DNAH8: variants seen among roughly 807,000 people sequenced by gnomAD.
The protein encoded by DNAH8 is axonemal beta dynein heavy chain 8.
Under a neutral mutation model 562.1 loss-of-function variants are expected in DNAH8, and 382 were observed. That is an observed-to-expected ratio of 0.68 (90% confidence interval 0.63 to 0.74). The LOEUF (loss-of-function observed/expected upper bound fraction) is 0.74. Among genes scored for constraint, DNAH8 ranks in the 30% least tolerant of loss-of-function variants. DNAH8 has a pLI of 0.00. For synonymous variants in DNAH8, 1,881 were observed against 1,919.4 expected (o/e 0.98, Z 0.52); for missense variants, 5,203 against 5,620.4 (o/e 0.93, Z 2.37).
intron 76 of DNAH8, among the ~76,000 whole-genome samples, chr6:38,934,051 G>A (rs1173130703): frequency 4.6e-5 from 7 of 152,148 alleles, no homozygotes; most frequent in African/African-American, 1.7e-4. Context: ...CTGATAGATT[G>A]TGATACAAAC....
chr6:38,796,786 G>A (rs370676350), intron 21 of DNAH8, among the ~76,000 whole-genome samples: 2 of 152,244 alleles, frequency 1.3e-5, no homozygotes, highest in East Asian at 1.9e-4. Flanking sequence ...CACTCGGGGA[G>A]CTCGGTTTTT....
At position 38,931,998 on chromosome 6, in the gene DNAH8, T is replaced by TCC. The variant is rs1491060073; in HGVS notation, c.11457+6_11457+7insCC. Reference sequence around the variant, plus strand: ...GTCATTCTAACAGAGAAACAGGTAATCTCTCTCTCAAGGTAAAGAATTTCT... The same window carrying TCC: ...GTCATTCTAACAGAGAAACAGGTAATCCCTCTCTCTCAAGGTAAAGAATTTCT... On this transcript the variant is annotated splice_donor_region_variant and intron_variant, in intron 76 of 92. Transcript: ENST00000327475. 2.6e-6 allele frequency: 4 copies of TCC among 1,550,072 alleles called. No individual in the cohort carries two copies. The highest frequency in any genetic ancestry group is 4.8e-5 in the East Asian group (2 of 41,908).
At chr6:38,834,668 C>T (rs1028785943) in intron 32 of DNAH8, 27 bp downstream of exon 32, 11 of 1,535,202 alleles carry the variant, frequency 7.2e-6, no homozygotes, top group Non-Finnish European at 8.9e-6. Flanking sequence ...TTTGTTACAT[C>T]GACAATGTGT....
chr6:38,985,515 C>G (rs1017002683), intron 87 of DNAH8, among the ~76,000 whole-genome samples: 1 of 152,116 alleles, frequency 6.6e-6, no homozygotes, highest in Non-Finnish European at 1.5e-5. Flanking sequence ...CTTGAAGCTA[C>G]ATATGGAGAA....
intron 82 of DNAH8, among the ~76,000 whole-genome samples, chr6:38,960,708 T>G (rs1442249120): frequency 1.3e-5 from 2 of 151,936 alleles, no homozygotes; most frequent in East Asian, 1.9e-4. Flanking sequence ...AGTATGCAGG[T>G]TCCCCAAAAA....
rs111787009 is a variant in DNAH8, at chr6:38,885,864, A to G, written c.8260-927A>G. ...TCTTAGAGTATACCATTTTATTTAC[A>G]TATCAACATGCATCTGTACATCTTG... is the stretch of plus-strand genomic sequence containing the variant. On this transcript the variant is annotated intron_variant, in intron 56 of 92. Transcript: ENST00000327475. Among the ~76,000 whole-genome samples, 854 of 152,310 alleles carry G rather than the reference A, an allele frequency of 5.6e-3. 17 individuals are homozygous for G. The highest frequency in any genetic ancestry group is 0.02 in the African/African-American group (813 of 41,560).
At chr6:38,984,497 A>AC in intron 87 of DNAH8, 190 bp downstream of exon 87, 1 of 539,284 alleles carries the variant, frequency 1.9e-6, no homozygotes, top group Non-Finnish European at 3.3e-6. Context: ...CACACACACA[A>AC]CAACCAGCAA....
intron 25 of DNAH8, 49 bp from the exon 26 acceptor site, chr6:38,815,419 T>C (rs373429344): frequency 6.8e-7 from 1 of 1,461,946 alleles, no homozygotes; most frequent in Non-Finnish European, 9.5e-7. Flanking sequence ...AATTGAGGGA[T>C]GGACTGTATG....
In DNAH8 at chr6:38,837,951, G is replaced by A. The variant is rs151175737; in HGVS notation, c.4375G>A (p.Asp1459Asn). Residue 1459 changes from aspartate (D) to asparagine (N), a missense_variant, in exon 33 of 93, where the codon GAT (aspartate) becomes AAT (asparagine). Asp to Asn is a conservative substitution (Grantham distance 23, BLOSUM62 1). This residue lies in a region of DNAH8 where 2,176 missense variants were observed against 2,365.1 expected (regional missense o/e 0.92). Coordinates refer to ENST00000327475, the MANE Select transcript of DNAH8 (RefSeq NM_001206927.2). ...AAAACCTTTGTTACAGGCCAGTTTC[G>A]ATGATCTGTGGAGGAAATTTGTTAC... ...NRLQIFQASF[D>N]DLWRKFVTYS... The A allele has an allele frequency of 6.1e-4, 983 of 1,610,982 alleles. 1 individual carries two copies. The highest frequency in any genetic ancestry group is 7.6e-4 in the Non-Finnish European group (891 of 1,178,174).
chr6:38,781,142 T>A, intron 15 of DNAH8, 112 bp from the exon 16 acceptor site: 3 of 1,133,166 alleles, frequency 2.6e-6, no homozygotes, highest in Non-Finnish European at 3.8e-6. Context: ...ATTGACTACC[T>A]ACTGTATATA....
intron 78 of DNAH8, 47 bp downstream of exon 78, chr6:38,938,273 C>T (rs1449204030): frequency 6.4e-7 from 1 of 1,561,032 alleles, no homozygotes; most frequent in East Asian, 2.3e-5. Context: ...TAAAAGTTTG[C>T]TTGTATTTCT....
intron 82 of DNAH8, among the ~76,000 whole-genome samples, chr6:38,952,088 G>A (rs777606174): frequency 1.7e-4 from 26 of 152,172 alleles, no homozygotes; most frequent in Admixed American, 3.3e-4. Flanking sequence ...CATAGAAGTG[G>A]CTGATCACAG....
At chr6:38,776,217 CTTTT>C (rs200097924) in intron 13 of DNAH8, among the ~76,000 whole-genome samples, 3 of 137,158 alleles carry the variant, frequency 2.2e-5, no homozygotes, top group Admixed American at 7.2e-5. Context: ...AGCTAGGATT[CTTTT>C]TTTTTTTTTT....
At chr6:38,838,208 C>T (rs1437695630) in intron 33 of DNAH8, among the ~76,000 whole-genome samples, 166 bp downstream of exon 33, 2 of 152,170 alleles carry the variant, frequency 1.3e-5, no homozygotes, top group African/African-American at 4.8e-5. Context: ...GACACACAGT[C>T]TCCTATACAA....
chr6:38,715,921 A>T lies in DNAH8; in HGVS notation c.-35+506A>T, dbSNP rs71544424. On this transcript the variant is annotated intron_variant, in intron 1 of 92. Coordinates refer to ENST00000327475, the MANE Select transcript of DNAH8 (RefSeq NM_001206927.2). The stretch of plus-strand genomic sequence containing the variant: ...AGCTATTAAAATAAATAAATAAATA[A>T]ATAAATATATATATATATATATATA... 4.3e-3 allele frequency among the ~76,000 whole-genome samples: 187 copies of T among 43,310 alleles called. 5 individuals are homozygous for T. The highest frequency in any genetic ancestry group is 0.024 in the African/African-American group (175 of 7,200). The allele number at this position is 43,310 out of a possible 152,430, so 28.4% of individuals were successfully genotyped here. A position where few individuals can be genotyped will look rare whatever the true frequency, so the allele number is the denominator to read the frequency against.
rs769310274 is a variant in DNAH8 at position 38,790,340 on chromosome 6, A to G, written c.2716A>G (p.Thr906Ala). Residue 906 changes from threonine (T) to alanine (A), a missense_variant, in exon 20 of 93, where the codon ACA (threonine) becomes GCA (alanine). Thr to Ala is a moderately conservative substitution (Grantham distance 58). This residue lies in a region of DNAH8 where 2,176 missense variants were observed against 2,365.1 expected (regional missense o/e 0.92). Coordinates refer to ENST00000327475, the MANE Select transcript of DNAH8 (RefSeq NM_001206927.2). ...CACAGTGTTAACATGGTCGTCTTTA[A>G]CACTGGAAAGCTTCTTTCAAGAAGT... ...GLTVLTWSSL[T>A]LESFFQEVEL... 5.6e-6 allele frequency: 9 copies of G among 1,608,908 alleles called. No individual in the cohort carries two copies. In the African/African-American group the frequency reaches 1.2e-4, roughly 22 times the overall value.
intron 30 of DNAH8, among the ~76,000 whole-genome samples, chr6:38,831,356 T>G (rs1210783043): frequency 1.1e-4 from 17 of 149,256 alleles, no homozygotes; most frequent in African/African-American, 4.2e-4. Context: ...GCCCCAGAGG[T>G]TGAGACTGCA....
rs76387239 is a variant in DNAH8, at chr6:38,913,932, G to A, written c.9943G>A (p.Ala3315Thr). 5.8e-4 allele frequency: 941 copies of A among 1,612,476 alleles called. 8 individuals carry two copies. The African/African-American group carries it at 0.011, about 19-fold the overall frequency. Residue 3315 changes from alanine to threonine, a missense_variant, in exon 67 of 93, where the codon GCT becomes ACT. This residue lies in a region of DNAH8 where 977 missense variants were observed against 1,061.8 expected (regional missense o/e 0.92). Coordinates refer to ENST00000327475, the MANE Select transcript of DNAH8 (RefSeq NM_001206927.2). Reference protein sequence around the residue: ...LAVKEKELAVASIKADEVLAE... With the variant: ...LAVKEKELAVTSIKADEVLAE... Reference sequence around the variant, plus strand: ...AGTCAAGGAGAAGGAGTTGGCAGTGGCTTCCATAAAAGCAGACGAAGTGAG... The same window carrying A: ...AGTCAAGGAGAAGGAGTTGGCAGTGACTTCCATAAAAGCAGACGAAGTGAG...
intron 75 of DNAH8, among the ~76,000 whole-genome samples, chr6:38,931,013 T>C (rs1027837895): frequency 6.6e-6 from 1 of 152,160 alleles, no homozygotes; most frequent in Admixed American, 6.6e-5. Flanking sequence ...TTTATCTGTG[T>C]CTGGCTTATC....
Sources: gnomAD v4.1 joint callset for allele counts (sites outside exome capture counted in the v4.1 genomes callset) on GRCh38, gnomAD v4.1.1 for gene constraint, gnomAD v4.1.1 regional missense constraint, MANE v1.5 for transcripts, NCBI Gene and HGNC (gene_info 2026-07-23, HGNC 2026-07-21) for gene names.